PDZD4: variants seen among roughly 807,000 people sequenced by gnomAD.
PDZD4 encodes the protein PDZ domain containing 4, also known as PDZ domain-containing protein 4.
In PDZD4, 9 loss-of-function variants were observed where a neutral mutation model predicts 38.5. The ratio of observed to expected loss-of-function variants is 0.23; its 90% CI spans 0.14 to 0.41. The LOEUF is 0.41. Among genes scored for constraint, PDZD4 ranks in the 10% least tolerant of loss-of-function variants. The probability of loss-of-function intolerance (pLI) is 1.00; values close to 1 mark genes in which losing one functional copy is unlikely to be tolerated. For synonymous variants in PDZD4, 349 were observed against 315.7 expected, an observed-to-expected ratio of 1.11 and a Z score of -1.12; for missense variants, 612 against 722.0, an observed-to-expected ratio of 0.85 and a Z score of 1.75.
At chrX:153,809,257 T>C (rs1289665071) in intron 1 of PDZD4, among the ~76,000 whole-genome samples, 1 of 112,463 alleles carries the variant, frequency 8.9e-6, no homozygotes, top group African/African-American at 3.2e-5. Flanking sequence ...AACTGCAAAG[T>C]AGCCTAAAAG....
At chrX:153,810,160 G>A (rs2064295267) in intron 1 of PDZD4, among the ~76,000 whole-genome samples, 2 of 112,853 alleles carry the variant, frequency 1.8e-5, no homozygotes, top group Admixed American at 1.9e-4. Flanking sequence ...GAGGCAGCTC[G>A]AGGCAGGCGT....
chrX:153,819,524 A>C (rs1182443972), intron 1 of PDZD4, among the ~76,000 whole-genome samples: 1 of 111,954 alleles, frequency 8.9e-6, no homozygotes, highest in African/African-American at 3.2e-5. Flanking sequence ...GGGGGCTGCC[A>C]CCTTCGGACT....
chrX:153,819,817 A>C (rs1367399930), intron 1 of PDZD4, among the ~76,000 whole-genome samples: 2 of 111,804 alleles, frequency 1.8e-5, no homozygotes, highest in Non-Finnish European at 3.8e-5. Flanking sequence ...ATGTTTCCCC[A>C]GCTCGGGATT....
rs1557076906 is a variant in PDZD4, at chrX:153,806,057, C to T, written c.567+14G>A. On this transcript the variant is annotated intron_variant, in intron 5 of 7. Transcript: ENST00000393758. ...CGGGGCCTTGGGCCAGGCCTGCAGCCTGCAAGTGCTCACCTGGATGATGCG... is the reference window on the plus strand; with the variant it reads ...CGGGGCCTTGGGCCAGGCCTGCAGCTTGCAAGTGCTCACCTGGATGATGCG... 8.3e-7 allele frequency: 1 copy of T among 1,211,416 alleles called. No individual in the cohort carries two copies. Among genetic ancestry groups the T allele is most frequent in the African/African-American group, 1.7e-5 (1 of 57,976 alleles).
intron 1 of PDZD4, among the ~76,000 whole-genome samples, chrX:153,814,680 A>C (rs2064343776): frequency 9.0e-6 from 1 of 110,960 alleles, no homozygotes; most frequent in Admixed American, 9.6e-5. Context: ...GAAGAAACCC[A>C]CTTTATCTTG....
chrX:153,806,638 C>T, intron 4 of PDZD4, 104 bp downstream of exon 4: 1 of 711,336 alleles, frequency 1.4e-6, no homozygotes, highest in Non-Finnish European at 2.2e-6. Flanking sequence ...AGCACCCTAG[C>T]TGTGATGCCC....
chrX:153,816,512 G>A (rs1325116860), intron 1 of PDZD4, among the ~76,000 whole-genome samples: 1 of 110,355 alleles, frequency 9.1e-6, no homozygotes, highest in African/African-American at 3.3e-5. Context: ...GGGAAGAGGG[G>A]GGAATCCTGC....
chrX:153,806,283 T>A lies in PDZD4; in HGVS notation c.505-150A>T, dbSNP rs1025445654. ...CCCCAGGAAGCAGAGGCAGAGGCTG[T>A]GGAGTAGTCACCTCTCCCCGCCCCT... On this transcript the variant is annotated intron_variant, in intron 4 of 7. Transcript: ENST00000393758. 91 of 545,712 alleles carry A rather than the reference T, an allele frequency of 1.7e-4. No individual in the cohort carries two copies. In the East Asian group the frequency reaches 3.2e-3, roughly 19 times the overall value. The allele number at this position is 545,712 out of a possible 1,213,427, so 45.0% of individuals were successfully genotyped here. A position where few individuals can be genotyped will look rare whatever the true frequency, so the allele number is the denominator to read the frequency against.
chrX:153,809,049 C>G (rs1343042064), intron 1 of PDZD4, among the ~76,000 whole-genome samples: 2 of 112,865 alleles, frequency 1.8e-5, no homozygotes, highest in Non-Finnish European at 3.7e-5. Context: ...CTGTGTTGTG[C>G]TCATTCAGCA....
intron 5 of PDZD4, 49 bp from the exon 6 acceptor site, chrX:153,805,655 G>A: frequency 9.3e-7 from 1 of 1,075,512 alleles, no homozygotes; most frequent in Non-Finnish European, 1.3e-6. Flanking sequence ...CTGGCCCTGG[G>A]GCGGACCCTG....
intron 1 of PDZD4, among the ~76,000 whole-genome samples, chrX:153,809,455 T>C (rs942023252): frequency 8.9e-6 from 1 of 111,909 alleles, no homozygotes; most frequent in African/African-American, 3.2e-5. Flanking sequence ...GGCGTGGTGG[T>C]GGGCGCCTGT....
At chrX:153,814,198 G>A (rs1467245013) in intron 1 of PDZD4, among the ~76,000 whole-genome samples, 3 of 111,384 alleles carry the variant, frequency 2.7e-5, no homozygotes, top group African/African-American at 9.8e-5. Context: ...AAATTGCCCA[G>A]CACGGAGGCT....
intron 1 of PDZD4, chrX:153,829,839 C>T: frequency 3.9e-6 from 3 of 770,242 alleles, no homozygotes; most frequent in Non-Finnish European, 3.1e-6. Context: ...CGCCCGGGGA[C>T]GCCCACGCAC....
chrX:153,808,682 C>G, intron 1 of PDZD4, 87 bp from the exon 2 acceptor site: 3 of 1,026,693 alleles, frequency 2.9e-6, no homozygotes, highest in Non-Finnish European at 3.8e-6. Context: ...CTGGCAGGAC[C>G]TGGGCTGACA....
intron 1 of PDZD4, among the ~76,000 whole-genome samples, chrX:153,815,220 G>A (rs186830957): frequency 1.8e-5 from 2 of 113,104 alleles, no homozygotes; most frequent in African/African-American, 6.4e-5. Flanking sequence ...TGACATGAAC[G>A]TCCTTAATTT....
chrX:153,805,337 C>CTGGCT, intron 6 of PDZD4, 130 bp from the exon 7 acceptor site: 2 of 733,134 alleles, frequency 2.7e-6, no homozygotes, highest in Non-Finnish European at 4.1e-6. Context: ...TCCCAGCCCC[C>CTGGCT]TCAGCCTTCA....
intron 1 of PDZD4, 183 bp downstream of exon 1, chrX:153,830,056 C>T (rs2064525919): frequency 1.7e-6 from 1 of 579,546 alleles, no homozygotes; most frequent in East Asian, 4.7e-5. Context: ...TCCCACCCCA[C>T]CCGTGGCTGG....
intron 1 of PDZD4, among the ~76,000 whole-genome samples, chrX:153,822,463 T>A (rs901570460): frequency 6.3e-5 from 7 of 111,669 alleles, no homozygotes; most frequent in African/African-American, 2.3e-4. Context: ...GCGTTTTTCA[T>A]TCTCAATGCT....
In PDZD4 at chrX:153,804,232, G is replaced by A. The variant is rs1557075913; in HGVS notation, c.1449C>T (p.Cys483=). 2 of 1,206,757 alleles carry A rather than the reference G, an allele frequency of 1.7e-6. No individual in the cohort carries two copies. The highest frequency in any genetic ancestry group is 3.5e-5 in the South Asian group (2 of 56,776). The change falls in exon 8 of 8, where the codon TGC becomes TGT. Residue 483 remains cysteine (C), a synonymous_variant. Transcript: ENST00000393758. The part of the protein sequence containing the change: ...STSAYNTGES[C]RSTPLLVEPL... ...GCTCCACAAGCAGCGGGGTGCTGCG[G>A]CAGCTCTCCCCAGTGTTGTAGGCGC...
Sources: gnomAD v4.1 joint callset for allele counts (sites outside exome capture counted in the v4.1 genomes callset) on GRCh38, gnomAD v4.1.1 for gene constraint, MANE v1.5 for transcripts, NCBI Gene and HGNC (gene_info 2026-07-23, HGNC 2026-07-21) for gene names.